Variants in PDLIM2 observed in about 807,000 individuals in gnomAD.
PDLIM2 encodes PDZ and LIM domain protein 2.
A neutral mutation model predicts 54.1 loss-of-function variants in PDLIM2; 51 were observed. The ratio of observed to expected loss-of-function variants is 0.94; its 90% confidence interval spans 0.75 to 1.19. PDLIM2 has a LOEUF of 1.19. PDLIM2 is among the 50% of genes most tolerant of loss of function. The pLI, the probability that PDLIM2 is intolerant of heterozygous loss-of-function variation, is 0.00. For missense variants in PDLIM2, 912 were observed against 874.0 expected (o/e 1.04, Z -0.55); for synonymous variants, 398 against 385.6 (o/e 1.03, Z -0.38).
rs3064 is a variant in PDLIM2 at position 22,594,175 on chromosome 8, G to T, written c.*265G>T. 3 of 1,406,868 alleles carry T rather than the reference G, an allele frequency of 2.1e-6. No homozygotes were observed. In the African/African-American group the frequency reaches 4.3e-5, roughly 20 times the overall value. 87.1% of individuals were successfully genotyped at this position (1,406,868 alleles called of 1,614,324 possible). A position where few individuals can be genotyped will look rare whatever the true frequency, so the allele number is the denominator to read the frequency against. On this transcript the variant is annotated 3_prime_UTR_variant, in exon 10 of 10. Transcript: ENST00000308354. Reference sequence around the variant, plus strand: ...CTGCCTTTGATCAACCTTTGTGTGCGAGGGTCTAAGTAGGGTCGAACACAG... The same window carrying T: ...CTGCCTTTGATCAACCTTTGTGTGCTAGGGTCTAAGTAGGGTCGAACACAG...
chr8:22,593,562 A>ATT, intron 9 of PDLIM2, 171 bp from the exon 9 acceptor site: 1 of 612,496 alleles, frequency 1.6e-6, no homozygotes, highest in South Asian at 2.1e-5. Context: ...GGGCAACAAG[A>ATT]GCAAAACTCC....
intron 2 of PDLIM2, 69 bp from the exon 2 acceptor site, chr8:22,581,310 G>A (rs1800193964): frequency 1.3e-6 from 2 of 1,527,458 alleles, no homozygotes; most frequent in African/African-American, 2.7e-5. Flanking sequence ...TGTTTCTTGG[G>A]TAGCAGAGTG....
At chr8:22,595,996 T>G (rs1469349256), downstream of PDLIM2, 1 of 153,536 alleles carries the variant, frequency 6.5e-6, no homozygotes, top group African/African-American at 2.4e-5. Flanking sequence ...GGTCTCACTA[T>G]GTTGCCCAGG....
exon 1 of PDLIM2, chr8:22,579,257 C>T: frequency 1.5e-6 from 2 of 1,356,378 alleles, no homozygotes; most frequent in Non-Finnish European, 1.9e-6. Context: ...CTCCGCGCGG[C>T]CCGCCCTCCC....
intron 3 of PDLIM2, among the ~76,000 whole-genome samples, chr8:22,581,842 G>C (rs945562804): frequency 2.0e-5 from 3 of 152,262 alleles, no homozygotes; most frequent in African/African-American, 7.2e-5. Flanking sequence ...GCAGGGCACA[G>C]GGCGTGGGCA....
chr8:22,593,683 C>A, intron 9 of PDLIM2, 50 bp from the exon 9 acceptor site: 1 of 1,515,280 alleles, frequency 6.6e-7, no homozygotes, highest in South Asian at 1.2e-5. Flanking sequence ...GCATGGTGGC[C>A]TCCTGCTTGG....
intron 6 of PDLIM2, among the ~76,000 whole-genome samples, chr8:22,586,546 C>T (rs917473578): frequency 2.0e-5 from 3 of 151,882 alleles, no homozygotes; most frequent in Admixed American, 2.0e-4. Context: ...GCCCGACATG[C>T]TGGGAGATGG....
At chr8:22,589,632 G>A (rs1460560404) in exon 8 of PDLIM2, 3 of 1,597,324 alleles carry the variant, frequency 1.9e-6, no homozygotes, top group Admixed American at 1.7e-5. Flanking sequence ...TCCTGGACGA[G>A]GACTCGGAAG....
At chr8:22,594,479 T>A (rs759068873), downstream of PDLIM2, 1 of 1,612,372 alleles carries the variant, frequency 6.2e-7, no homozygotes, top group African/African-American at 1.3e-5. Context: ...CTCTTTTAGG[T>A]TGGGAGTCAT....
intron 6 of PDLIM2, chr8:22,588,461 C>T (rs1292151965): frequency 6.6e-6 from 1 of 152,364 alleles, no homozygotes; most frequent in Non-Finnish European, 1.5e-5. Context: ...CAAGGCTCTC[C>T]TTCCCAGTGG....
intron 1 of PDLIM2, 135 bp from the exon 1 acceptor site, chr8:22,580,340 A>C: frequency 1.4e-6 from 1 of 717,140 alleles, no homozygotes; most frequent in Non-Finnish European, 2.1e-6. Context: ...CAGCCTGGGC[A>C]GCCCCCTCCT....
chr8:22,585,421 C>G, intron 6 of PDLIM2, 22 bp downstream of exon 5: 2 of 1,592,118 alleles, frequency 1.3e-6, no homozygotes, highest in Non-Finnish European at 1.7e-6. Flanking sequence ...TGGGGGAGGA[C>G]AGGCTGGAGG....
At chr8:22,583,404 G>A (rs1305872359) in intron 3 of PDLIM2, among the ~76,000 whole-genome samples, 1 of 152,166 alleles carries the variant, frequency 6.6e-6, no homozygotes. Flanking sequence ...AGAACTTGAG[G>A]CAGCTCACTT....
At chr8:22,592,037 T>A in intron 9 of PDLIM2, 1 of 152,692 alleles carries the variant, frequency 6.5e-6, no homozygotes, top group Non-Finnish European at 1.3e-5. Flanking sequence ...CGATGTGGGC[T>A]CATTTTTCTT....
intron 1 of PDLIM2, chr8:22,580,114 G>A (rs1370660342): frequency 4.0e-5 from 9 of 226,046 alleles, no homozygotes; most frequent in African/African-American, 7.0e-5. Flanking sequence ...TCCTTGACCC[G>A]TCACTCCTGC....
intron 8 of PDLIM2, chr8:22,590,393 T>G (rs1215070104): frequency 6.6e-6 from 1 of 152,666 alleles, no homozygotes; most frequent in African/African-American, 2.4e-5. Flanking sequence ...GGACCAGATG[T>G]GTGCAGAGTT....
chr8:22,589,099 A>C, intron 6 of PDLIM2, 199 bp from the exon 6 acceptor site: 2 of 493,250 alleles, frequency 4.1e-6, no homozygotes, highest in Non-Finnish European at 7.5e-6. Context: ...CTCCGAGGGA[A>C]GGGGCAGGGG....
At position 22,585,480 on chromosome 8, in the gene PDLIM2, A is replaced by G. The variant is rs1331311570; in HGVS notation, c.1290+81A>G. On this transcript the variant is annotated intron_variant, in intron 6 of 9. Coordinates refer to ENST00000308354, the Ensembl canonical transcript of PDLIM2. ...TGGGTTGCCAGTGCCCCGGGACTGC[A>G]GGCGGCCAGGCCCACCTGGGCAGCC... is the stretch of plus-strand genomic sequence containing the variant. 3.6e-6 allele frequency: 5 copies of G among 1,377,162 alleles called. No individual in the cohort carries two copies. In the African/African-American group the frequency reaches 5.8e-5, roughly 16 times the overall value. 85.3% of individuals were successfully genotyped at this position (1,377,162 alleles called of 1,614,324 possible).
intron 8 of PDLIM2, chr8:22,591,233 C>T (rs980184180): frequency 2.6e-6 from 1 of 377,858 alleles, no homozygotes; most frequent in Non-Finnish European, 4.9e-6. Context: ...CTGTTGCCAT[C>T]TCCAGTTATT....
Sources: gnomAD v4.1 joint callset for allele counts (sites outside exome capture counted in the v4.1 genomes callset) on GRCh38, gnomAD v4.1.1 for gene constraint, MANE v1.5 for transcripts, NCBI Gene and HGNC (gene_info 2026-07-23, HGNC 2026-07-21) for gene names.